Variants in RAPGEF1 observed in about 807,000 individuals in gnomAD.
The protein encoded by RAPGEF1 is Rap guanine nucleotide exchange factor 1, also known as CRK SH3-binding GNRP.
RAPGEF1 carries 33 observed loss-of-function variants against 143.3 expected under a neutral mutation model. That is an observed-to-expected ratio of 0.23 (90% confidence interval 0.17 to 0.31). RAPGEF1 has a LOEUF of 0.31. RAPGEF1 is among the 10% of genes least tolerant of loss of function. The pLI is 1.00. For missense variants in RAPGEF1, 1,199 were observed against 1,645.4 expected, an observed-to-expected ratio of 0.73 and a Z score of 4.69; for synonymous variants, 629 against 676.5, an observed-to-expected ratio of 0.93 and a Z score of 1.09.
rs1002781484 is a variant in RAPGEF1 at position 131,667,679 on chromosome 9, C to G, written c.62-16730G>C. 1.3e-5 allele frequency among the ~76,000 whole-genome samples: 2 copies of G among 152,178 alleles called. No individual in the cohort carries two copies. Among genetic ancestry groups the G allele is most frequent in the African/African-American group, 4.8e-5 (2 of 41,430 alleles). On this transcript the variant is annotated intron_variant, in intron 1 of 26. Coordinates refer to ENST00000683357, the MANE Select transcript of RAPGEF1 (RefSeq NM_001377935.1). The surrounding 1 kb of genome is among the most constrained non-coding windows in gnomAD (Gnocchi z 4.6). ...TCCTATGGCTATGACATGGGGCAAA[C>G]AGAAGTGGCACTCATCTCTACACGT...
intron 1 of RAPGEF1, among the ~76,000 whole-genome samples, chr9:131,718,422 A>G (rs530598956): frequency 1.3e-5 from 2 of 152,336 alleles, no homozygotes; most frequent in South Asian, 4.1e-4. Flanking sequence ...GAAATGCAGA[A>G]TGAATGGCTG....
intron 1 of RAPGEF1, among the ~76,000 whole-genome samples, chr9:131,737,913 A>G (rs1451138362): frequency 6.6e-6 from 1 of 151,226 alleles, no homozygotes; most frequent in Non-Finnish European, 1.5e-5. Flanking sequence ...GCTTGCAGTG[A>G]GCCGAGATCG....
At chr9:131,620,858 T>C (rs1172872136) in intron 11 of RAPGEF1, among the ~76,000 whole-genome samples, 3 of 152,178 alleles carry the variant, frequency 2.0e-5, no homozygotes, top group Non-Finnish European at 4.4e-5. Flanking sequence ...TGGCCCCTCA[T>C]GTCCTCTCGC....
intron 3 of RAPGEF1, among the ~76,000 whole-genome samples, chr9:131,643,680 A>T (rs972801847): frequency 3.3e-5 from 5 of 152,094 alleles, no homozygotes; most frequent in Non-Finnish European, 7.4e-5. Flanking sequence ...CTTGAAAACC[A>T]CTTATCCTCC....
intron 1 of RAPGEF1, among the ~76,000 whole-genome samples, chr9:131,697,758 T>A (rs1834301201): frequency 6.6e-6 from 1 of 152,186 alleles, no homozygotes; most frequent in Admixed American, 6.5e-5. Context: ...TGATGCTAAT[T>A]CAAATTTTCC....
intron 5 of RAPGEF1, among the ~76,000 whole-genome samples, chr9:131,631,049 C>T (rs913161606): frequency 2.0e-5 from 3 of 151,950 alleles, no homozygotes; most frequent in African/African-American, 7.3e-5. Context: ...ACATTTCTAT[C>T]ACCGTCTCCA....
chr9:131,714,760 T>C (rs1426255766), intron 1 of RAPGEF1, among the ~76,000 whole-genome samples: 2 of 145,968 alleles, frequency 1.4e-5, no homozygotes, highest in Non-Finnish European at 3.0e-5. Context: ...CAGGTTGGAG[T>C]GCAGTGGTGC....
chr9:131,625,073 C>T lies in RAPGEF1; in HGVS notation c.1702+849G>A, dbSNP rs1444535592. On this transcript the variant is annotated intron_variant, in intron 10 of 26. Transcript: ENST00000683357. ...ATTTGGGAATTTGGAGTAGAGATTC[C>T]ATTTCTAGGTCATAGAAGTTCTCTG... Among the ~76,000 whole-genome samples the T allele has an allele frequency of 2.0e-5, 3 of 152,242 alleles. No homozygotes were observed. In the East Asian group the frequency reaches 5.8e-4, roughly 29 times the overall value.
chr9:131,658,243 G>A (rs550138929), intron 1 of RAPGEF1, among the ~76,000 whole-genome samples: 30 of 152,330 alleles, frequency 2.0e-4, no homozygotes, highest in African/African-American at 6.3e-4. Context: ...CCACTAGCAA[G>A]GTTGGGAGAG....
intron 1 of RAPGEF1, among the ~76,000 whole-genome samples, chr9:131,683,360 C>G (rs1186774499): frequency 1.3e-5 from 2 of 152,210 alleles, no homozygotes; most frequent in Non-Finnish European, 2.9e-5. Context: ...TGGGCACATA[C>G]TTCCTCCAAC....
intron 1 of RAPGEF1, among the ~76,000 whole-genome samples, chr9:131,656,596 C>T (rs780496786): frequency 1.4e-4 from 21 of 152,290 alleles, no homozygotes; most frequent in Admixed American, 2.6e-4. Flanking sequence ...AGCCAACTTC[C>T]GCTTTCTCCA....
intron 12 of RAPGEF1, among the ~76,000 whole-genome samples, chr9:131,608,237 C>G (rs908624367): frequency 6.6e-6 from 1 of 152,226 alleles, no homozygotes; most frequent in Non-Finnish European, 1.5e-5. Context: ...GACGACCTCT[C>G]GGCCAGCAGC....
intron 1 of RAPGEF1, chr9:131,709,882 G>T (rs1270401235): frequency 5.1e-6 from 5 of 985,368 alleles, no homozygotes; most frequent in Non-Finnish European, 6.0e-6. Context: ...AAATCCCTTT[G>T]GCCCCAGGGA....
intron 1 of RAPGEF1, among the ~76,000 whole-genome samples, chr9:131,707,512 C>T (rs1835162982): frequency 2.0e-5 from 3 of 152,184 alleles, no homozygotes; most frequent in Non-Finnish European, 4.4e-5. Context: ...ATGACCTCAG[C>T]TCACTACAAC....
At chr9:131,719,584 A>G (rs1836112727) in intron 1 of RAPGEF1, among the ~76,000 whole-genome samples, 1 of 120,250 alleles carries the variant, frequency 8.3e-6, no homozygotes, top group South Asian at 2.7e-4. Flanking sequence ...TTTTTGAGAC[A>G]GTCTCACTCT....
Position 131,596,139 on chromosome 9 carries a change from C to T in RAPGEF1, c.2689+159G>A, listed in dbSNP as rs534470404. 1.2e-3 allele frequency among the ~76,000 whole-genome samples: 181 copies of T among 152,304 alleles called. 1 individual carries two copies. Among genetic ancestry groups the T allele is most frequent in the Non-Finnish European group, 2.2e-3 (152 of 68,016 alleles). On this transcript the variant is annotated intron_variant, in intron 17 of 26. Transcript: ENST00000683357. ...GAGTTGAACATGATCTACTTGTCTT[C>T]CAAGGTGGGCTCTCCCTGCTCTGAC... is the stretch of plus-strand genomic sequence containing the variant.
At chr9:131,643,180 C>G in intron 4 of RAPGEF1, 59 bp downstream of exon 4, 1 of 1,515,104 alleles carries the variant, frequency 6.6e-7, no homozygotes, top group Non-Finnish European at 8.8e-7. Flanking sequence ...GCCACCAAAC[C>G]AAGATGCTTC....
chr9:131,638,584 G>A, intron 5 of RAPGEF1, 51 bp downstream of exon 5: 1 of 1,594,392 alleles, frequency 6.3e-7, no homozygotes, highest in South Asian at 1.1e-5. Context: ...GCACCAGCAG[G>A]CAGGCTGCTC....
intron 1 of RAPGEF1, among the ~76,000 whole-genome samples, chr9:131,688,010 C>T (rs970129843): frequency 1.3e-5 from 2 of 152,108 alleles, no homozygotes; most frequent in Non-Finnish European, 2.9e-5. Context: ...TTCCCGGAAC[C>T]TCTGAATGAG....
Sources: gnomAD v4.1 joint callset for allele counts (sites outside exome capture counted in the v4.1 genomes callset) on GRCh38, gnomAD v4.1.1 for gene constraint, Gnocchi (gnomAD v3.1) non-coding constraint, MANE v1.5 for transcripts, NCBI Gene and HGNC (gene_info 2026-07-23, HGNC 2026-07-21) for gene names.